CRHR1: variants seen among roughly 807,000 people sequenced by gnomAD.
CRHR1 encodes corticotropin-releasing hormone receptor 1.
Under a neutral mutation model 56.0 loss-of-function variants are expected in CRHR1, and 28 were observed. The ratio of observed to expected loss-of-function variants is 0.50; its 90% confidence interval spans 0.37 to 0.69. The LOEUF is 0.69. Among genes scored for constraint, CRHR1 ranks in the 30% least tolerant of loss-of-function variants. CRHR1 has a pLI of 0.00. For missense variants in CRHR1, 376 were observed against 548.0 expected, an observed-to-expected ratio of 0.69 and a Z score of 3.13; for synonymous variants, 195 against 216.5, an observed-to-expected ratio of 0.90 and a Z score of 0.87.
In CRHR1 at chr17:45,818,312, C is replaced by T. The variant is rs558105727; in HGVS notation, c.241+1730C>T. Among the ~76,000 whole-genome samples the T allele has an allele frequency of 5.3e-5, 8 of 152,344 alleles. No individual in the cohort carries two copies. In the East Asian group the frequency reaches 7.7e-4, roughly 15 times the overall value. ...ACCTTTTGCAGCCAGCCCTGGCCAC[C>T]CCCCATGAGTTCCCTCTGCTCCCGT... On this transcript the variant is annotated intron_variant, in intron 3 of 12. Transcript: ENST00000314537.
At chr17:45,815,438 C>T (rs950367097) in intron 2 of CRHR1, among the ~76,000 whole-genome samples, 1 of 152,212 alleles carries the variant, frequency 6.6e-6, no homozygotes, top group African/African-American at 2.4e-5. Context: ...TCTCTCTCTC[C>T]TCCAAAAAGC....
intron 2 of CRHR1, among the ~76,000 whole-genome samples, chr17:45,812,356 T>C (rs1432250427): frequency 6.6e-6 from 1 of 152,230 alleles, no homozygotes; most frequent in Non-Finnish European, 1.5e-5. Context: ...TCAGGAGGCG[T>C]TGGCACCTAA....
At chr17:45,812,726 C>T (rs956919241) in intron 2 of CRHR1, among the ~76,000 whole-genome samples, 1 of 152,208 alleles carries the variant, frequency 6.6e-6, no homozygotes, top group Admixed American at 6.5e-5. Flanking sequence ...GCCTGCCTCT[C>T]TCTATTTCTT....
intron 5 of CRHR1, 141 bp downstream of exon 5, chr17:45,829,462 G>A (rs17689882): frequency 0.18 from 249,719 of 1,354,770 alleles, 26,758 homozygotes; most frequent in Non-Finnish European, 0.22. Flanking sequence ...GAGAGTCTCA[G>A]GTCTCTGGGA....
At chr17:45,787,103 C>T (rs933772250) in intron 1 of CRHR1, among the ~76,000 whole-genome samples, 1 of 152,176 alleles carries the variant, frequency 6.6e-6, no homozygotes, top group South Asian at 2.1e-4. Flanking sequence ...GGAAAGGGTC[C>T]ACTCTGGGGC....
At chr17:45,814,385 C>G (rs1248269166) in intron 2 of CRHR1, among the ~76,000 whole-genome samples, 1 of 152,132 alleles carries the variant, frequency 6.6e-6, no homozygotes, top group Non-Finnish European at 1.5e-5. Context: ...CACAATGTGG[C>G]GTAATGGAAA....
At chr17:45,829,525 G>A (rs2062244121) in intron 5 of CRHR1, 1 of 1,532,208 alleles carries the variant, frequency 6.5e-7, no homozygotes, top group South Asian at 1.2e-5. Context: ...GAATGGTGGG[G>A]AGGGACAAAA....
At chr17:45,791,215 G>T (rs911426557) in intron 1 of CRHR1, among the ~76,000 whole-genome samples, 2 of 152,122 alleles carry the variant, frequency 1.3e-5, no homozygotes, top group African/African-American at 4.8e-5. Flanking sequence ...GTGTGGCTGG[G>T]GGACAAGGGG....
intron 2 of CRHR1, among the ~76,000 whole-genome samples, chr17:45,816,093 G>T (rs1238956728): frequency 1.3e-5 from 2 of 152,158 alleles, no homozygotes; most frequent in African/African-American, 2.4e-5. Context: ...AGAGCTCCAG[G>T]CTGTCACCAT....
At chr17:45,825,970 G>A (rs17763050) in intron 4 of CRHR1, 21,842 of 152,452 alleles carry the variant, frequency 0.14, 2,143 homozygotes, top group Middle Eastern at 0.22. Context: ...AGAGTCAGCC[G>A]GGCACAAATT....
chr17:45,830,384 C>A, intron 6 of CRHR1, 33 bp from the exon 7 acceptor site: 2 of 1,590,774 alleles, frequency 1.3e-6, no homozygotes, highest in Non-Finnish European at 1.7e-6. Context: ...CCCTGCCCCC[C>A]ATCATCATCT....
Position 45,788,213 on chromosome 17 carries a change from GA to G in CRHR1, c.33+3639del, listed in dbSNP as rs769995764. Among the ~76,000 whole-genome samples the G allele has an allele frequency of 1.1e-3, 166 of 152,304 alleles. 1 individual carries two copies. The Middle Eastern group carries it at 0.027, about 25-fold the overall frequency. ...GATAATTTCAGCAGCTATTGAAGGG[GA>G]AAGACCATCAGCCTGGGAGTCAGTG... On this transcript the variant is annotated intron_variant, in intron 1 of 12. Coordinates refer to ENST00000314537, the MANE Select transcript of CRHR1 (RefSeq NM_004382.5).
intron 9 of CRHR1, 27 bp downstream of exon 9, chr17:45,833,237 C>G: frequency 1.9e-6 from 3 of 1,609,810 alleles, no homozygotes; most frequent in Non-Finnish European, 2.6e-6. Flanking sequence ...GGGCAGGAGA[C>G]AGGGCCCAGT....
intron 10 of CRHR1, 21 bp from the exon 11 acceptor site, chr17:45,833,693 T>TGGGGGGGGGGGGGGGGCC: frequency 1.3e-6 from 2 of 1,571,614 alleles, no homozygotes; most frequent in South Asian, 1.1e-5. Flanking sequence ...ACTCCGAGCC[T>TGGGGGGGGGGGGGGGGCC]CCCCACCCGC....
intron 1 of CRHR1, among the ~76,000 whole-genome samples, chr17:45,806,687 TG>T (rs1480161034): frequency 1.3e-5 from 2 of 152,128 alleles, no homozygotes; most frequent in African/African-American, 2.4e-5. Flanking sequence ...TCCATGGGGA[TG>T]GAGGTGGCTT....
At chr17:45,821,597 A>T (rs17689653) in intron 4 of CRHR1, among the ~76,000 whole-genome samples, 157 bp downstream of exon 4, 21,846 of 152,264 alleles carry the variant, frequency 0.14, 2,144 homozygotes, top group Middle Eastern at 0.22. Context: ...AACTTGGAAA[A>T]GGCCCATGAG....
intron 2 of CRHR1, among the ~76,000 whole-genome samples, chr17:45,808,035 C>T (rs1333416880): frequency 2.0e-5 from 3 of 152,172 alleles, no homozygotes; most frequent in Non-Finnish European, 2.9e-5. Flanking sequence ...CTTTGGAAGG[C>T]TTGTGGACCT....
chr17:45,826,935 G>A (rs2062177150), intron 4 of CRHR1: 1 of 152,274 alleles, frequency 6.6e-6, no homozygotes, highest in African/African-American at 2.4e-5. Flanking sequence ...CTGAGATCCT[G>A]CCACTGCACC....
At chr17:45,812,756 A>G (rs1181667070) in intron 2 of CRHR1, among the ~76,000 whole-genome samples, 1 of 151,826 alleles carries the variant, frequency 6.6e-6, no homozygotes, top group African/African-American at 2.4e-5. Flanking sequence ...CTTCTTCTCC[A>G]TCTTTTTTCC....
Sources: gnomAD v4.1 joint callset for allele counts (sites outside exome capture counted in the v4.1 genomes callset) on GRCh38, gnomAD v4.1.1 for gene constraint, MANE v1.5 for transcripts, NCBI Gene and HGNC (gene_info 2026-07-23, HGNC 2026-07-21) for gene names.